WWC2: variants seen among roughly 807,000 people sequenced by gnomAD.
The protein encoded by WWC2 is WW and C2 domain containing 2.
A neutral mutation model predicts 138.5 loss-of-function variants in WWC2; 101 were observed. That is an observed-to-expected ratio of 0.73 (90% CI 0.62 to 0.86). The LOEUF is 0.86. WWC2 is among the 40% of genes least tolerant of loss of function. The probability of loss-of-function intolerance (pLI) is 0.00; values close to 1 mark genes in which losing one functional copy is unlikely to be tolerated. For synonymous variants in WWC2, 558 were observed against 538.4 expected, an observed-to-expected ratio of 1.04 and a Z score of -0.50; for missense variants, 1,420 against 1,419.4, an observed-to-expected ratio of 1.00 and a Z score of -0.01.
intron 1 of WWC2, among the ~76,000 whole-genome samples, chr4:183,131,551 T>C (rs557778608): frequency 6.6e-5 from 10 of 152,306 alleles, no homozygotes; most frequent in African/African-American, 2.4e-4. Flanking sequence ...GTTAATCTTT[T>C]ATTGATTGTT....
chr4:183,104,941 C>T (rs961059937), intron 1 of WWC2, among the ~76,000 whole-genome samples: 1 of 152,184 alleles, frequency 6.6e-6, no homozygotes, highest in African/African-American at 2.4e-5. Flanking sequence ...AGAGTTGGCT[C>T]TGTCGCCCAG....
intron 21 of WWC2, among the ~76,000 whole-genome samples, chr4:183,304,185 A>G (rs1047919002): frequency 1.3e-5 from 2 of 152,176 alleles, no homozygotes; most frequent in African/African-American, 2.4e-5. Context: ...TACTGCCCCC[A>G]GAATTGGAGA....
At chr4:183,210,313 G>A (rs956282545) in intron 4 of WWC2, among the ~76,000 whole-genome samples, 1 of 152,112 alleles carries the variant, frequency 6.6e-6, no homozygotes, top group African/African-American at 2.4e-5. Context: ...ATGGTGAGGT[G>A]TGGTTCAAAG....
At chr4:183,157,430 C>G (rs762117361) in intron 1 of WWC2, among the ~76,000 whole-genome samples, 2 of 152,138 alleles carry the variant, frequency 1.3e-5, no homozygotes, top group Non-Finnish European at 2.9e-5. Flanking sequence ...TGGCAGTGTC[C>G]TCTAGTGGTT....
chr4:183,274,526 T>C (rs897367271), intron 16 of WWC2, among the ~76,000 whole-genome samples: 2 of 152,210 alleles, frequency 1.3e-5, no homozygotes, highest in African/African-American at 4.8e-5. Context: ...CACATGAGCA[T>C]GAAAACCTAA....
intron 1 of WWC2, among the ~76,000 whole-genome samples, chr4:183,135,646 G>A (rs141240536): frequency 3.6e-4 from 54 of 152,092 alleles, no homozygotes; most frequent in African/African-American, 1.1e-3. Flanking sequence ...ATTCACTTCC[G>A]TACCACTTTC....
chr4:183,176,908 A>G (rs1049886674), intron 1 of WWC2, among the ~76,000 whole-genome samples: 2 of 152,128 alleles, frequency 1.3e-5, no homozygotes, highest in African/African-American at 4.8e-5. Flanking sequence ...TCAATACTGC[A>G]AAACAAATAC....
intron 1 of WWC2, among the ~76,000 whole-genome samples, chr4:183,110,102 T>G (rs537434316): frequency 2.3e-4 from 35 of 152,220 alleles, no homozygotes; most frequent in Non-Finnish European, 4.7e-4. Flanking sequence ...TAGAGATTGC[T>G]TTTGTGGTGT....
intron 1 of WWC2, among the ~76,000 whole-genome samples, chr4:183,141,234 G>A (rs1579979974): frequency 1.3e-5 from 2 of 152,258 alleles, no homozygotes; most frequent in Middle Eastern, 6.8e-3. Context: ...GATTAGGTTT[G>A]GGTGAAGGCT....
At chr4:183,267,930 T>C (rs1169944373) in intron 14 of WWC2, among the ~76,000 whole-genome samples, 1 of 152,186 alleles carries the variant, frequency 6.6e-6, no homozygotes, top group Non-Finnish European at 1.5e-5. Flanking sequence ...TCAAAAGTTA[T>C]TTTTTGATTA....
At chr4:183,275,549 C>T (rs1008306856) in intron 16 of WWC2, among the ~76,000 whole-genome samples, 5 of 152,108 alleles carry the variant, frequency 3.3e-5, no homozygotes, top group African/African-American at 1.2e-4. Flanking sequence ...GCCTTTGTTG[C>T]ATCTGTTGAG....
At chr4:183,226,834 T>C (rs1328166907) in intron 4 of WWC2, among the ~76,000 whole-genome samples, 1 of 152,054 alleles carries the variant, frequency 6.6e-6, no homozygotes, top group Non-Finnish European at 1.5e-5. Flanking sequence ...GAATGTAATA[T>C]AAATGAAGAT....
intron 1 of WWC2, among the ~76,000 whole-genome samples, chr4:183,182,334 C>T (rs1171900103): frequency 1.3e-5 from 2 of 152,174 alleles, no homozygotes; most frequent in African/African-American, 2.4e-5. Context: ...TTATTATCCA[C>T]CATGAAATTG....
chr4:183,192,118 C>T (rs1202078559), intron 1 of WWC2, among the ~76,000 whole-genome samples: 3 of 152,334 alleles, frequency 2.0e-5, no homozygotes, highest in South Asian at 4.1e-4. Context: ...TGCTGCCTGA[C>T]TTGATTCCTC....
intron 22 of WWC2, among the ~76,000 whole-genome samples, chr4:183,313,908 G>C (rs544534921): frequency 6.6e-6 from 1 of 151,052 alleles, no homozygotes; most frequent in East Asian, 2.0e-4. Flanking sequence ...AAAAAGGTTT[G>C]TTCCTATTGC....
intron 21 of WWC2, among the ~76,000 whole-genome samples, chr4:183,296,911 G>C (rs1738647787): frequency 8.5e-6 from 1 of 117,626 alleles, no homozygotes; most frequent in Non-Finnish European, 1.6e-5. Flanking sequence ...TCCAGCCTGG[G>C]CAACAGAGCG....
At chr4:183,265,188 C>T (rs1038392537) in intron 12 of WWC2, 81 bp downstream of exon 12, 10 of 1,481,752 alleles carry the variant, frequency 6.7e-6, no homozygotes, top group Non-Finnish European at 9.0e-6. Context: ...AAATGGACTG[C>T]TACCATTAGT....
intron 1 of WWC2, among the ~76,000 whole-genome samples, chr4:183,124,699 C>T (rs550186791): frequency 1.1e-4 from 16 of 151,906 alleles, no homozygotes; most frequent in African/African-American, 3.4e-4. Context: ...AAGCAGTTCT[C>T]CTGCCTCAGC....
At chr4:183,218,875 AAATT>A (rs1187360646) in intron 4 of WWC2, among the ~76,000 whole-genome samples, 4 of 152,230 alleles carry the variant, frequency 2.6e-5, no homozygotes, top group Non-Finnish European at 5.9e-5. Flanking sequence ...ACCAGTTTAA[AAATT>A]AATCTTATCC....
Sources: gnomAD v4.1 joint callset for allele counts (sites outside exome capture counted in the v4.1 genomes callset) on GRCh38, gnomAD v4.1.1 for gene constraint, MANE v1.5 for transcripts, NCBI Gene and HGNC (gene_info 2026-07-23, HGNC 2026-07-21) for gene names.